NTRK2: variants seen among roughly 807,000 people sequenced by gnomAD.
NTRK2 encodes BDNF/NT-3 growth factors receptor.
NTRK2 carries 13 observed loss-of-function variants against 94.5 expected under a neutral mutation model. That is an observed-to-expected ratio of 0.14 (90% CI 0.09 to 0.22). The LOEUF is 0.22. Ranked by LOEUF, NTRK2 falls within the 10% of genes least tolerant of loss-of-function variation. NTRK2 has a pLI of 1.00. For missense variants in NTRK2, 639 were observed against 1,071.2 expected (o/e 0.60, Z 5.63); for synonymous variants, 372 against 407.4 (o/e 0.91, Z 1.05).
At chr9:84,936,663 A>T (rs1321747758) in intron 15 of NTRK2, among the ~76,000 whole-genome samples, 1 of 152,134 alleles carries the variant, frequency 6.6e-6, no homozygotes, top group East Asian at 1.9e-4. Context: ...ACACTGCTTA[A>T]AAAAAAGGAA....
chr9:84,917,086 C>T (rs1031833041), intron 14 of NTRK2, among the ~76,000 whole-genome samples: 5 of 152,136 alleles, frequency 3.3e-5, no homozygotes, highest in African/African-American at 1.2e-4. Flanking sequence ...CTTATTTAAA[C>T]AAATGAGCCT....
At chr9:85,010,450 A>T (rs943773238) in intron 17 of NTRK2, among the ~76,000 whole-genome samples, 1 of 152,196 alleles carries the variant, frequency 6.6e-6, no homozygotes, top group Admixed American at 6.5e-5. Context: ...GAGGCCATGA[A>T]AAGCTCGGTA....
At chr9:84,980,469 G>A (rs956742372) in intron 17 of NTRK2, among the ~76,000 whole-genome samples, 20 of 152,222 alleles carry the variant, frequency 1.3e-4, no homozygotes, top group Admixed American at 1.0e-3. Context: ...TAAAATAGTT[G>A]CACAGCATTC....
intron 2 of NTRK2, among the ~76,000 whole-genome samples, chr9:84,691,417 C>T (rs1226950320): frequency 6.6e-6 from 1 of 152,142 alleles, no homozygotes; most frequent in Non-Finnish European, 1.5e-5. Context: ...ACTCCCATTC[C>T]TACATGCCCT....
intron 14 of NTRK2, chr9:84,875,457 T>G: frequency 9.4e-7 from 1 of 1,062,504 alleles, no homozygotes; most frequent in Non-Finnish European, 1.1e-6. Flanking sequence ...AGCTCTCATT[T>G]AGGGTCATCA....
At chr9:84,929,804 A>T (rs2077960330) in intron 14 of NTRK2, among the ~76,000 whole-genome samples, 1 of 152,056 alleles carries the variant, frequency 6.6e-6, no homozygotes, top group Non-Finnish European at 1.5e-5. Flanking sequence ...TCAAGTGATC[A>T]GCCCACCTCG....
intron 12 of NTRK2, among the ~76,000 whole-genome samples, chr9:84,827,370 G>T (rs1413501138): frequency 2.6e-5 from 4 of 152,160 alleles, no homozygotes; most frequent in African/African-American, 9.7e-5. Flanking sequence ...CAAGTGCTGG[G>T]GCCACAGGGT....
rs201722367 is a variant in NTRK2, at chr9:85,022,476, G to A, written c.*1039G>A. 6 of 233,022 alleles carry A rather than the reference G, an allele frequency of 2.6e-5. No individual in the cohort carries two copies. The highest frequency in any genetic ancestry group is 8.8e-5 in the African/African-American group (4 of 45,316). 14.4% of individuals were successfully genotyped at this position (233,022 alleles called of 1,614,324 possible). ...TGGATTCATGTCCAGAGCTCATTTC[G>A]GGGTCAGGTGGGAAAGCCAAGAACT... On this transcript the variant is annotated 3_prime_UTR_variant, in exon 19 of 19. Transcript: ENST00000277120.
intron 10 of NTRK2, 36 bp downstream of exon 10, chr9:84,741,963 C>G: frequency 6.4e-7 from 1 of 1,557,522 alleles, no homozygotes; most frequent in South Asian, 1.1e-5. Flanking sequence ...ATTTCTTTTT[C>G]AAAATGTTTG....
chr9:84,793,599 A>G (rs2068956206), intron 12 of NTRK2, among the ~76,000 whole-genome samples: 1 of 152,190 alleles, frequency 6.6e-6, no homozygotes, highest in African/African-American at 2.4e-5. Flanking sequence ...ATTTTACAAA[A>G]TATAGTTTTT....
At chr9:84,761,432 A>T (rs1192765472) in intron 12 of NTRK2, among the ~76,000 whole-genome samples, 1 of 152,160 alleles carries the variant, frequency 6.6e-6, no homozygotes, top group Non-Finnish European at 1.5e-5. Flanking sequence ...CCTTTCCTGC[A>T]CTTGCTTCCT....
rs571720263 is a variant in NTRK2, at chr9:84,951,553, G to A, written c.1937+2919G>A. Among the ~76,000 whole-genome samples, 46 of 152,256 alleles carry A rather than the reference G, an allele frequency of 3.0e-4. No homozygotes were observed. In the South Asian group the frequency reaches 9.3e-3, roughly 31 times the overall value. The stretch of plus-strand genomic sequence containing the variant: ...TGTCTGTACATACATGAATGTGTGT[G>A]TGTGTGTGTTGCAACTTGACTCTTT... On this transcript the variant is annotated intron_variant, in intron 16 of 18. Coordinates refer to ENST00000277120, the MANE Select transcript of NTRK2 (RefSeq NM_006180.6).
rs182237469 is a variant in NTRK2, at chr9:84,788,991, G to A, written c.1396+36906G>A. On this transcript the variant is annotated intron_variant, in intron 12 of 18. Transcript: ENST00000277120. ...AGCCAAAGCTTCCGCTTGTTAGCTG[G>A]GAAGGGCATAGAGAAAAAGCCATTG... 8.5e-5 allele frequency among the ~76,000 whole-genome samples: 13 copies of A among 152,298 alleles called. No homozygotes were observed. The East Asian group carries it at 2.1e-3, about 25-fold the overall frequency.
At chr9:84,787,977 A>G (rs2068296118) in intron 12 of NTRK2, among the ~76,000 whole-genome samples, 2 of 152,226 alleles carry the variant, frequency 1.3e-5, no homozygotes, top group East Asian at 3.9e-4. Context: ...CTAAAAGGGC[A>G]TAATCACAAT....
intron 14 of NTRK2, among the ~76,000 whole-genome samples, chr9:84,919,101 G>A (rs554527691): frequency 6.6e-5 from 10 of 152,260 alleles, no homozygotes; most frequent in Non-Finnish European, 1.5e-5. Context: ...TGATTGAGCA[G>A]AGGAATCCTA....
chr9:84,758,494 T>C (rs2065267712), intron 12 of NTRK2, among the ~76,000 whole-genome samples: 1 of 152,094 alleles, frequency 6.6e-6, no homozygotes, highest in African/African-American at 2.4e-5. Flanking sequence ...CAGCTTCAAG[T>C]GATTCTCCTG....
intron 14 of NTRK2, among the ~76,000 whole-genome samples, chr9:84,930,399 G>C (rs942020735): frequency 1.3e-5 from 2 of 152,136 alleles, no homozygotes; most frequent in African/African-American, 2.4e-5. Context: ...AGGAGCAACC[G>C]AGATGTCAGC....
chr9:84,675,431 A>C (rs1003342254), intron 2 of NTRK2, among the ~76,000 whole-genome samples: 2 of 147,992 alleles, frequency 1.4e-5, no homozygotes, highest in African/African-American at 5.0e-5. Context: ...TTATCAAACC[A>C]TTATTGAATA....
At chr9:84,769,048 G>A (rs1442130592) in intron 12 of NTRK2, among the ~76,000 whole-genome samples, 3 of 152,098 alleles carry the variant, frequency 2.0e-5, no homozygotes, top group Non-Finnish European at 4.4e-5. Context: ...CAAAAGTCAG[G>A]CCTACTTGAG....
Sources: allele counts gnomAD v4.1 joint callset (sites outside exome capture counted in the v4.1 genomes callset), GRCh38; gene constraint gnomAD v4.1.1; transcripts MANE v1.5; gene names NCBI Gene and HGNC (gene_info 2026-07-23, HGNC 2026-07-21).